KCNMB2: variants seen among roughly 807,000 people sequenced by gnomAD.
KCNMB2 encodes the protein potassium calcium-activated channel subfamily M regulatory beta subunit 2.
In KCNMB2, 9 loss-of-function variants were observed where a neutral mutation model predicts 24.5. That is an observed-to-expected ratio of 0.37 (90% CI 0.22 to 0.64). KCNMB2 has a LOEUF of 0.64. Among genes scored for constraint, KCNMB2 ranks in the 30% least tolerant of loss-of-function variants. The pLI is 0.63. For synonymous variants in KCNMB2, 109 were observed against 104.4 expected, an observed-to-expected ratio of 1.04 and a Z score of -0.27; for missense variants, 226 against 284.3, an observed-to-expected ratio of 0.79 and a Z score of 1.47.
intron 1 of KCNMB2, among the ~76,000 whole-genome samples, chr3:178,724,103 C>G (rs1553770713): frequency 6.6e-6 from 1 of 152,188 alleles, no homozygotes; most frequent in Non-Finnish European, 1.5e-5. Context: ...TTCCCACTGA[C>G]AGTGTATAAG....
At chr3:178,623,255 T>C (rs1018936970) in intron 1 of KCNMB2, among the ~76,000 whole-genome samples, 2 of 152,210 alleles carry the variant, frequency 1.3e-5, no homozygotes, top group Non-Finnish European at 2.9e-5. Context: ...TCAATCACCA[T>C]AGGGCCACAC....
intron 1 of KCNMB2, among the ~76,000 whole-genome samples, chr3:178,708,910 A>G (rs915919279): frequency 6.6e-6 from 1 of 152,180 alleles, no homozygotes; most frequent in African/African-American, 2.4e-5. Flanking sequence ...AAAAGAACAA[A>G]TGAATGAATG....
intron 2 of KCNMB2, chr3:178,824,707 G>A (rs1714769672): frequency 6.6e-6 from 1 of 152,168 alleles, no homozygotes; most frequent in Non-Finnish European, 1.5e-5. Context: ...TAAATAATTT[G>A]CGTGTATCAT....
At chr3:178,740,555 A>T (rs947636405) in intron 1 of KCNMB2, among the ~76,000 whole-genome samples, 1 of 152,218 alleles carries the variant, frequency 6.6e-6, no homozygotes, top group African/African-American at 2.4e-5. Context: ...TCTTCCACAT[A>T]ATAATCTTAG....
chr3:178,721,271 G>T (rs1294562195), intron 1 of KCNMB2, among the ~76,000 whole-genome samples: 2 of 152,190 alleles, frequency 1.3e-5, no homozygotes, highest in African/African-American at 4.8e-5. Flanking sequence ...ATTTGTCAAA[G>T]ATCAGATAGT....
chr3:178,619,202 T>A (rs1271288828), intron 1 of KCNMB2, among the ~76,000 whole-genome samples: 1 of 152,170 alleles, frequency 6.6e-6, no homozygotes, highest in Non-Finnish European at 1.5e-5. Context: ...AGAGTGAGAC[T>A]GGAGGGCCTT....
intron 2 of KCNMB2, among the ~76,000 whole-genome samples, chr3:178,824,354 A>C (rs546031517): frequency 3.3e-5 from 5 of 151,768 alleles, no homozygotes; most frequent in African/African-American, 1.2e-4. Context: ...ATTTATTACT[A>C]ATCTCTTGTC....
chr3:178,548,496 A>G (rs1199399600), intron 1 of KCNMB2, among the ~76,000 whole-genome samples: 2 of 152,132 alleles, frequency 1.3e-5, no homozygotes, highest in African/African-American at 4.8e-5. Flanking sequence ...TCATCCTGTT[A>G]CAACTAAACT....
intron 1 of KCNMB2, among the ~76,000 whole-genome samples, chr3:178,632,264 T>C (rs539896185): frequency 6.6e-6 from 1 of 152,296 alleles, no homozygotes; most frequent in Non-Finnish European, 1.5e-5. Flanking sequence ...GGAAAAATGA[T>C]AGTACACACA....
chr3:178,644,510 C>T (rs114272102), intron 1 of KCNMB2, among the ~76,000 whole-genome samples: 2,489 of 152,348 alleles, frequency 0.016, 60 homozygotes, highest in African/African-American at 0.056. Context: ...TGGAACTCCA[C>T]CTGCCTGGCT....
intron 1 of KCNMB2, among the ~76,000 whole-genome samples, chr3:178,542,266 C>A (rs1002584236): frequency 1.3e-5 from 2 of 152,142 alleles, no homozygotes; most frequent in Non-Finnish European, 2.9e-5. Context: ...TTTCTTAAAC[C>A]TTACTGAGCC....
chr3:178,752,222 A>G (rs1195981863), intron 1 of KCNMB2, among the ~76,000 whole-genome samples: 1 of 152,252 alleles, frequency 6.6e-6, no homozygotes, highest in East Asian at 1.9e-4. Context: ...TAAGTGTCAG[A>G]AGAGAACTAT....
chr3:178,632,958 C>T (rs1400248074), intron 1 of KCNMB2, among the ~76,000 whole-genome samples: 5 of 152,200 alleles, frequency 3.3e-5, no homozygotes, highest in Admixed American at 3.3e-4. Context: ...GCTACAGGCC[C>T]CATGCAAGTC....
At chr3:178,837,325 A>G (rs925659583) in intron 4 of KCNMB2, among the ~76,000 whole-genome samples, 2 of 152,146 alleles carry the variant, frequency 1.3e-5, no homozygotes, top group African/African-American at 4.8e-5. Context: ...CACAAAAAAA[A>G]CCCTGCCATG....
intron 1 of KCNMB2, among the ~76,000 whole-genome samples, chr3:178,747,615 C>T (rs1723712740): frequency 1.3e-5 from 2 of 152,196 alleles, no homozygotes; most frequent in South Asian, 4.1e-4. Context: ...TAATAAGAAT[C>T]TACATCCATT....
intron 4 of KCNMB2, among the ~76,000 whole-genome samples, chr3:178,841,064 C>T (rs1474128385): frequency 6.6e-6 from 1 of 152,242 alleles, no homozygotes. Flanking sequence ...AGCCAGGTCA[C>T]CTCTTGAATG....
chr3:178,747,264 C>T (rs1438820204), intron 1 of KCNMB2, among the ~76,000 whole-genome samples: 1 of 152,182 alleles, frequency 6.6e-6, no homozygotes, highest in Non-Finnish European at 1.5e-5. Flanking sequence ...GGGAACTCCT[C>T]TTTATAAAAC....
intron 1 of KCNMB2, among the ~76,000 whole-genome samples, chr3:178,579,614 A>G (rs1357380134): frequency 6.6e-6 from 1 of 152,224 alleles, no homozygotes; most frequent in Non-Finnish European, 1.5e-5. Context: ...CAAAATAGAT[A>G]GACCACTCTC....
intron 1 of KCNMB2, among the ~76,000 whole-genome samples, chr3:178,592,386 C>T (rs532910968): frequency 6.6e-6 from 1 of 151,976 alleles, no homozygotes; most frequent in South Asian, 2.1e-4. Flanking sequence ...TTTCCTAAGC[C>T]AGAGGTCCAT....
Sources: allele counts gnomAD v4.1 joint callset (sites outside exome capture counted in the v4.1 genomes callset), GRCh38; gene constraint gnomAD v4.1.1; transcripts MANE v1.5; gene names NCBI Gene and HGNC (gene_info 2026-07-23, HGNC 2026-07-21).